The following NEGR1 variants were observed in gnomAD, a reference collection of about 807,000 sequenced individuals.
The protein encoded by NEGR1 is IgLON family member 4.
Under a neutral mutation model 40.9 loss-of-function variants are expected in NEGR1, and 10 were observed. The ratio of observed to expected loss-of-function variants is 0.24; its 90% CI spans 0.15 to 0.42. NEGR1 has a LOEUF of 0.42. NEGR1 is among the 10% of genes least tolerant of loss of function. The probability of loss-of-function intolerance (pLI) is 1.00; values close to 1 mark genes in which losing one functional copy is unlikely to be tolerated. For missense variants in NEGR1, 352 were observed against 438.9 expected (o/e 0.80, Z 1.77); for synonymous variants, 185 against 166.8 (o/e 1.11, Z -0.84).
At chr1:71,785,156 C>T (rs1656864821) in intron 2 of NEGR1, among the ~76,000 whole-genome samples, 1 of 152,164 alleles carries the variant, frequency 6.6e-6, no homozygotes, top group Non-Finnish European at 1.5e-5. Context: ...TGCTTAAAAT[C>T]AGGACCTTAA....
chr1:71,880,322 A>G (rs1044961313), intron 2 of NEGR1, among the ~76,000 whole-genome samples: 1 of 152,102 alleles, frequency 6.6e-6, no homozygotes, highest in Non-Finnish European at 1.5e-5. Flanking sequence ...ATCATAAAGT[A>G]CAATTTTACT....
chr1:71,481,568 T>C (rs567606846), intron 6 of NEGR1, among the ~76,000 whole-genome samples: 2 of 151,970 alleles, frequency 1.3e-5, no homozygotes, highest in South Asian at 4.2e-4. Context: ...CAATTGGTGT[T>C]CTTTGGAGCA....
At chr1:71,987,799 G>T (rs1304245050) in intron 1 of NEGR1, among the ~76,000 whole-genome samples, 1 of 152,058 alleles carries the variant, frequency 6.6e-6, no homozygotes, top group Admixed American at 6.5e-5. Flanking sequence ...TATAAAATCT[G>T]CTTTATCAAA....
At chr1:71,765,775 C>A (rs1656100111) in intron 3 of NEGR1, among the ~76,000 whole-genome samples, 1 of 152,148 alleles carries the variant, frequency 6.6e-6, no homozygotes, top group African/African-American at 2.4e-5. Context: ...TCATGGCATT[C>A]TGATTCTATC....
intron 5 of NEGR1, among the ~76,000 whole-genome samples, chr1:71,597,468 C>CTGTGTGTGTGTGTGTG (rs1331833538): frequency 1.8e-4 from 4 of 22,226 alleles, no homozygotes; most frequent in African/African-American, 2.9e-4. Context: ...CTCTCTCTCT[C>CTGTGTGTGTGTGTGTG]TCTCTGTGTG....
intron 1 of NEGR1, among the ~76,000 whole-genome samples, chr1:71,986,135 G>A (rs1646391935): frequency 1.3e-5 from 2 of 152,212 alleles, no homozygotes; most frequent in Admixed American, 6.5e-5. Context: ...TGGTTTCAGT[G>A]TGTGAAAATT....
chr1:71,806,243 T>C (rs1257754626), intron 2 of NEGR1, among the ~76,000 whole-genome samples: 1 of 151,928 alleles, frequency 6.6e-6, no homozygotes, highest in Non-Finnish European at 1.5e-5. Context: ...TAAGAAAATA[T>C]ACTATAAAAT....
At chr1:71,846,234 A>G (rs1235126137) in intron 2 of NEGR1, among the ~76,000 whole-genome samples, 1 of 152,166 alleles carries the variant, frequency 6.6e-6, no homozygotes, top group East Asian at 1.9e-4. Flanking sequence ...AATTCTGCTC[A>G]TAGAGAAGTG....
chr1:72,126,724 C>T (rs1326322544), intron 1 of NEGR1, among the ~76,000 whole-genome samples: 3 of 152,160 alleles, frequency 2.0e-5, no homozygotes, highest in Non-Finnish European at 2.9e-5. Flanking sequence ...AGACACAAGA[C>T]TCTTGAGTCA....
intron 6 of NEGR1, among the ~76,000 whole-genome samples, chr1:71,452,817 A>AAC (rs1646638510): frequency 3.4e-4 from 3 of 8,900 alleles, no homozygotes; most frequent in African/African-American, 3.7e-4. Flanking sequence ...AAAAAAAACC[A>AAC]AAAAAAAAAC....
chr1:72,013,064 A>AAT (rs1646673683), intron 1 of NEGR1, among the ~76,000 whole-genome samples: 2 of 151,898 alleles, frequency 1.3e-5, no homozygotes, highest in South Asian at 4.1e-4. Flanking sequence ...AATGTATAGA[A>AAT]GCTTATAAAC....
chr1:71,928,383 T>C (rs905090646), intron 2 of NEGR1, among the ~76,000 whole-genome samples: 5 of 145,194 alleles, frequency 3.4e-5, no homozygotes, highest in Admixed American at 2.8e-4. Flanking sequence ...TATATGTATA[T>C]ATACACACAT....
chr1:72,282,470 C>T lies in NEGR1; in HGVS notation c.25G>A (p.Gly9Ser). 6.2e-7 allele frequency: 1 copy of T among 1,613,394 alleles called. No homozygotes were observed. The highest frequency in any genetic ancestry group is 2.2e-5 in the East Asian group (1 of 44,814). ...AGCCACTGGTTCGAGCAACAAGCAC[C>T]CTGCACCAACAGCATCATGTCCATC... Reference protein sequence around the residue: MDMMLLVQGACCSNQWLAA... With the variant: MDMMLLVQSACCSNQWLAA... The change falls in exon 1 of 7, where the codon GGT becomes AGT. Residue 9 changes from glycine (G) to serine (S), a missense_variant. Physicochemically the swap from Gly to Ser is moderately conservative, Grantham distance 56. This residue lies in a region of NEGR1 where 81 missense variants were observed against 85.8 expected (regional missense o/e 0.94). Transcript: ENST00000357731.
At chr1:71,967,452 T>C (rs1646219353) in intron 1 of NEGR1, among the ~76,000 whole-genome samples, 1 of 152,154 alleles carries the variant, frequency 6.6e-6, no homozygotes, top group African/African-American at 2.4e-5. Flanking sequence ...GAAAGACAAA[T>C]TATAAGCTTG....
intron 1 of NEGR1, among the ~76,000 whole-genome samples, chr1:72,178,439 C>T (rs567270177): frequency 1.3e-5 from 2 of 151,538 alleles, no homozygotes; most frequent in Non-Finnish European, 2.9e-5. Flanking sequence ...TTGCCCTCTA[C>T]CTATTCTGCT....
At chr1:71,528,140 G>T (rs766669249) in intron 6 of NEGR1, among the ~76,000 whole-genome samples, 2 of 151,262 alleles carry the variant, frequency 1.3e-5, no homozygotes, top group Non-Finnish European at 3.0e-5. Context: ...TAAAGATATA[G>T]AAATTAAGTC....
chr1:71,888,456 G>T (rs370299431), intron 2 of NEGR1, among the ~76,000 whole-genome samples: 2 of 151,848 alleles, frequency 1.3e-5, no homozygotes, highest in African/African-American at 4.8e-5. Flanking sequence ...AAGGGGTGAC[G>T]GACGCACCTG....
At chr1:71,652,771 G>C (rs1182029126) in intron 4 of NEGR1, among the ~76,000 whole-genome samples, 1 of 152,006 alleles carries the variant, frequency 6.6e-6, no homozygotes, top group Non-Finnish European at 1.5e-5. Context: ...GGCTGAGGTG[G>C]GAGGATCGTT....
chr1:71,629,763 T>G (rs1650912957), intron 4 of NEGR1, among the ~76,000 whole-genome samples: 1 of 152,004 alleles, frequency 6.6e-6, no homozygotes, highest in Non-Finnish European at 1.5e-5. Flanking sequence ...TTTGACAATG[T>G]CTCAGGATAC....
Sources: gnomAD v4.1 joint callset for allele counts (sites outside exome capture counted in the v4.1 genomes callset) on GRCh38, gnomAD v4.1.1 for gene constraint, gnomAD v4.1.1 regional missense constraint, MANE v1.5 for transcripts, NCBI Gene and HGNC (gene_info 2026-07-23, HGNC 2026-07-21) for gene names.